The following NDST4 variants were observed in gnomAD, a reference collection of about 807,000 sequenced individuals.
NDST4 encodes N-deacetylase and N-sulfotransferase 4, also known as N-heparan sulfate sulfotransferase 4.
In NDST4, 63 loss-of-function variants were observed where a neutral mutation model predicts 100.8. The ratio of observed to expected loss-of-function variants is 0.62; its 90% CI spans 0.51 to 0.77. NDST4 has a LOEUF of 0.77. Among genes scored for constraint, NDST4 ranks in the 30% least tolerant of loss-of-function variants. The pLI is 0.00. For missense variants in NDST4, 943 were observed against 1,018.4 expected (o/e 0.93, Z 1.01); for synonymous variants, 377 against 361.8 (o/e 1.04, Z -0.48).
chr4:114,908,748 C>T (rs535958766), intron 6 of NDST4, among the ~76,000 whole-genome samples: 5 of 152,238 alleles, frequency 3.3e-5, no homozygotes, highest in African/African-American at 7.2e-5. Flanking sequence ...CACGTACACA[C>T]GGGAGACTTT....
intron 2 of NDST4, among the ~76,000 whole-genome samples, chr4:115,012,712 T>A (rs1727578796): frequency 6.7e-6 from 1 of 149,014 alleles, no homozygotes. Context: ...AGAAAGGAAA[T>A]CAGTACATCA....
intron 7 of NDST4, among the ~76,000 whole-genome samples, chr4:114,858,487 T>C (rs1031425157): frequency 6.6e-6 from 1 of 152,170 alleles, no homozygotes; most frequent in Non-Finnish European, 1.5e-5. Flanking sequence ...TTTCTACAAG[T>C]TGCTCGCCTG....
intron 2 of NDST4, among the ~76,000 whole-genome samples, chr4:115,053,325 T>C (rs528638070): frequency 1.1e-4 from 16 of 152,258 alleles, no homozygotes; most frequent in African/African-American, 3.4e-4. Flanking sequence ...TGTACTTAAA[T>C]AGGATGGACT....
chr4:115,032,093 A>G (rs947525893), intron 2 of NDST4, among the ~76,000 whole-genome samples: 2 of 152,072 alleles, frequency 1.3e-5, no homozygotes, highest in Non-Finnish European at 1.5e-5. Flanking sequence ...GAAACTTTAA[A>G]ATTGATTTTG....
chr4:115,076,857 A>G lies in NDST4; in HGVS notation c.180T>C (p.Tyr60=), dbSNP rs757909216. The G allele has an allele frequency of 6.2e-7, 1 of 1,613,714 alleles. No homozygotes were observed. Among genetic ancestry groups the G allele is most frequent in the Non-Finnish European group, 8.5e-7 (1 of 1,179,884 alleles). Residue 60 remains tyrosine, a synonymous_variant, in exon 2 of 14, where the codon TAT becomes TAC. Coordinates refer to ENST00000264363, the MANE Select transcript of NDST4 (RefSeq NM_022569.3). ...TAACTGTTTTCAGCTCCATTGACCT[A>G]TATGGTAGAATTTTGATGTCAGTGC... is the stretch of plus-strand genomic sequence containing the variant. ...AECTDIKILP[Y]RSMELKTVKP...
chr4:114,903,818 G>C (rs1250116382), intron 6 of NDST4, among the ~76,000 whole-genome samples: 1 of 151,988 alleles, frequency 6.6e-6, no homozygotes, highest in African/African-American at 2.4e-5. Flanking sequence ...TGAATCACTT[G>C]TGATCTGAAC....
Position 115,012,272 on chromosome 4 carries a change from A to G in NDST4, c.979-34998T>C, listed in dbSNP as rs560101002. 1.2e-4 allele frequency among the ~76,000 whole-genome samples: 18 copies of G among 152,104 alleles called. No homozygotes were observed. In the East Asian group the frequency reaches 2.7e-3, roughly 23 times the overall value. On this transcript the variant is annotated intron_variant, in intron 2 of 13. Transcript: ENST00000264363. Reference sequence around the variant, plus strand: ...GACCATTTTTTACAACCAGCAAAACATCTTGTTTTTACATTTATCACTGAT... The same window carrying G: ...GACCATTTTTTACAACCAGCAAAACGTCTTGTTTTTACATTTATCACTGAT...
intron 6 of NDST4, among the ~76,000 whole-genome samples, chr4:114,900,966 T>A (rs968373646): frequency 2.0e-4 from 30 of 152,230 alleles, no homozygotes; most frequent in African/African-American, 7.2e-4. Flanking sequence ...TATCTTTCTA[T>A]TATTGATTTC....
chr4:115,094,437 T>C (rs898446234), intron 1 of NDST4, among the ~76,000 whole-genome samples: 1 of 151,900 alleles, frequency 6.6e-6, no homozygotes, highest in Non-Finnish European at 1.5e-5. Context: ...TTGTAATAAA[T>C]AATAAGAGAA....
chr4:114,928,368 A>T (rs1278378375), intron 6 of NDST4, among the ~76,000 whole-genome samples: 1 of 152,218 alleles, frequency 6.6e-6, no homozygotes, highest in African/African-American at 2.4e-5. Flanking sequence ...CTTTCTCAAC[A>T]TTAGTGAGGT....
chr4:115,072,809 C>T (rs1729103840), intron 2 of NDST4, among the ~76,000 whole-genome samples: 1 of 151,688 alleles, frequency 6.6e-6, no homozygotes, highest in Non-Finnish European at 1.5e-5. Context: ...AAAACACAAG[C>T]AACAAAAGTA....
intron 1 of NDST4, among the ~76,000 whole-genome samples, chr4:115,103,752 C>A (rs2110344380): frequency 6.6e-6 from 1 of 152,094 alleles, no homozygotes; most frequent in East Asian, 1.9e-4. Context: ...GGCCATAAAC[C>A]AGAAATAATG....
chr4:115,075,185 G>A (rs1240372873), intron 2 of NDST4, among the ~76,000 whole-genome samples: 1 of 152,134 alleles, frequency 6.6e-6, no homozygotes, highest in African/African-American at 2.4e-5. Context: ...AAAGCTACCT[G>A]AGGCTAATCC....
chr4:114,857,384 T>C (rs1179177381), intron 7 of NDST4, among the ~76,000 whole-genome samples: 1 of 152,154 alleles, frequency 6.6e-6, no homozygotes, highest in East Asian at 1.9e-4. Context: ...CAATTCACTG[T>C]AAGATGGGAA....
chr4:114,967,281 T>C (rs958147892), intron 4 of NDST4, among the ~76,000 whole-genome samples: 2 of 152,156 alleles, frequency 1.3e-5, no homozygotes, highest in Non-Finnish European at 1.5e-5. Context: ...ATATGTTTAA[T>C]GGACTTCATT....
intron 2 of NDST4, among the ~76,000 whole-genome samples, chr4:115,029,951 AG>A (rs1335960508): frequency 6.6e-6 from 1 of 152,160 alleles, no homozygotes; most frequent in Non-Finnish European, 1.5e-5. Context: ...GTGATAAACC[AG>A]GAATGAAAGA....
At chr4:115,091,701 G>A (rs1729523937) in intron 1 of NDST4, among the ~76,000 whole-genome samples, 2 of 152,070 alleles carry the variant, frequency 1.3e-5, no homozygotes, top group Non-Finnish European at 2.9e-5. Flanking sequence ...CAGTTGTTTT[G>A]TAGCTAATTT....
At chr4:115,033,131 GTATATATA>G (rs60019799) in intron 2 of NDST4, among the ~76,000 whole-genome samples, 10,361 of 107,800 alleles carry the variant, frequency 0.096, 453 homozygotes, top group East Asian at 0.27. Context: ...ATATATATGT[GTATATATA>G]TATATATATA....
At chr4:114,856,122 G>A (rs937602765) in intron 7 of NDST4, among the ~76,000 whole-genome samples, 4 of 151,538 alleles carry the variant, frequency 2.6e-5, no homozygotes, top group Non-Finnish European at 5.9e-5. Context: ...GAGTGCAGTG[G>A]TGCCAACTCG....
Sources: allele counts gnomAD v4.1 joint callset (sites outside exome capture counted in the v4.1 genomes callset), GRCh38; gene constraint gnomAD v4.1.1; transcripts MANE v1.5; gene names NCBI Gene and HGNC (gene_info 2026-07-23, HGNC 2026-07-21).